Variants in MND1 observed in about 807,000 individuals in gnomAD.
The protein encoded by MND1 is meiotic nuclear divisions 1, also known as meiotic nuclear division protein 1 homolog.
MND1 carries 28 observed loss-of-function variants against 35.1 expected under a neutral mutation model. The observed-to-expected ratio is 0.80, with a 90% CI of 0.59 to 1.09. MND1 has a LOEUF of 1.09. MND1 is among the 50% of genes least tolerant of loss of function. MND1 has a pLI of 0.00. For missense variants in MND1, 213 were observed against 239.6 expected (o/e 0.89, Z 0.73); for synonymous variants, 69 against 70.5 (o/e 0.98, Z 0.11).
At position 153,395,467 on chromosome 4, in the gene MND1, G is replaced by GT. The variant is rs144936311; in HGVS notation, c.351+1133dup. 1.1e-4 allele frequency among the ~76,000 whole-genome samples: 17 copies of GT among 152,306 alleles called. No homozygotes were observed. The East Asian group carries it at 2.3e-3, about 21-fold the overall frequency. ...CAGAAGAGTTTAGTGGTTCAGAAAC[G>GT]TTCCTAAGAAAGATGAAGTCTTGTG... On this transcript the variant is annotated intron_variant, in intron 5 of 7. Coordinates refer to ENST00000240488, the MANE Select transcript of MND1 (RefSeq NM_032117.4).
chr4:153,393,681 C>T (rs1729111336), intron 4 of MND1, among the ~76,000 whole-genome samples: 1 of 151,732 alleles, frequency 6.6e-6, no homozygotes, highest in Non-Finnish European at 1.5e-5. Context: ...GCTTGGCCTT[C>T]AAGTTCAATT....
chr4:153,379,341 C>T (rs1266055539), intron 4 of MND1, among the ~76,000 whole-genome samples: 1 of 145,732 alleles, frequency 6.9e-6, no homozygotes, highest in African/African-American at 2.5e-5. Context: ...AAAAAAGAAA[C>T]CACAAAAGCT....
intron 2 of MND1, among the ~76,000 whole-genome samples, chr4:153,353,487 G>A (rs1196259113): frequency 7.5e-6 from 1 of 132,628 alleles, no homozygotes; most frequent in Non-Finnish European, 1.6e-5. Flanking sequence ...TCTTTTTTAT[G>A]TACTTCAAAG....
intron 2 of MND1, among the ~76,000 whole-genome samples, chr4:153,351,764 T>C (rs953132811): frequency 6.6e-6 from 1 of 152,222 alleles, no homozygotes. Flanking sequence ...GAATTTGATT[T>C]TCTATAGATG....
At chr4:153,372,013 G>C (rs941645106) in intron 4 of MND1, among the ~76,000 whole-genome samples, 1 of 152,062 alleles carries the variant, frequency 6.6e-6, no homozygotes, top group African/African-American at 2.4e-5. Context: ...AAGGGAGGGT[G>C]AGAGATGGGG....
intron 2 of MND1, among the ~76,000 whole-genome samples, chr4:153,354,077 G>T (rs942712671): frequency 4.0e-5 from 6 of 151,722 alleles, no homozygotes; most frequent in African/African-American, 1.5e-4. Flanking sequence ...TTTAACTTTT[G>T]TTATGCAAGT....
At chr4:153,357,359 C>G (rs1773372402) in intron 3 of MND1, among the ~76,000 whole-genome samples, 1 of 152,126 alleles carries the variant, frequency 6.6e-6, no homozygotes, top group Non-Finnish European at 1.5e-5. Context: ...GACCCTGGAA[C>G]AACACCTATG....
At chr4:153,404,437 C>T (rs763349474) in intron 6 of MND1, among the ~76,000 whole-genome samples, 7 of 150,618 alleles carry the variant, frequency 4.6e-5, no homozygotes, top group Non-Finnish European at 7.4e-5. Flanking sequence ...GTGATCTGCC[C>T]GCCTCAGCCT....
chr4:153,347,212 T>C, intron 1 of MND1, among the ~76,000 whole-genome samples: 1 of 152,150 alleles, frequency 6.6e-6, no homozygotes, highest in East Asian at 1.9e-4. Flanking sequence ...CATGCTTGAT[T>C]TGTCAGATAC....
At chr4:153,407,133 A>G (rs1049650835) in intron 6 of MND1, among the ~76,000 whole-genome samples, 6 of 152,208 alleles carry the variant, frequency 3.9e-5, no homozygotes, top group East Asian at 1.9e-4. Flanking sequence ...CAGCCAAACC[A>G]TATCAACACC....
intron 2 of MND1, among the ~76,000 whole-genome samples, chr4:153,355,304 G>A (rs560915410): frequency 1.3e-5 from 2 of 152,088 alleles, no homozygotes; most frequent in Non-Finnish European, 2.9e-5. Flanking sequence ...TCATTTCCAG[G>A]CCAATTTTTT....
intron 4 of MND1, among the ~76,000 whole-genome samples, chr4:153,371,030 T>C (rs1308039212): frequency 6.6e-6 from 1 of 152,070 alleles, no homozygotes; most frequent in Non-Finnish European, 1.5e-5. Flanking sequence ...TTAATCTCCT[T>C]GTATATCTTC....
intron 2 of MND1, among the ~76,000 whole-genome samples, chr4:153,354,121 G>C (rs376440117): frequency 6.6e-6 from 1 of 151,618 alleles, no homozygotes; most frequent in Non-Finnish European, 1.5e-5. Context: ...CTTATTAGCA[G>C]TAGAAAATAA....
At position 153,410,284 on chromosome 4, in the gene MND1, C is replaced by CT. The variant is rs111262750; in HGVS notation, c.511+1280dup. On this transcript the variant is annotated intron_variant, in intron 7 of 7. Transcript: ENST00000240488. The stretch of plus-strand genomic sequence containing the variant: ...ATAATTGGAAAAACATTTGGAATGG[C>CT]TTTTTTTTTTTCCTATCCTATTAGC... Among the ~76,000 whole-genome samples the CT allele has an allele frequency of 4.6e-3, 677 of 147,038 alleles. 5 individuals carry two copies. The highest frequency in any genetic ancestry group is 0.015 in the African/African-American group (613 of 40,444).
chr4:153,358,293 A>T (rs1490528453), intron 3 of MND1, among the ~76,000 whole-genome samples, 181 bp from the exon 4 acceptor site: 1 of 152,228 alleles, frequency 6.6e-6, no homozygotes, highest in Non-Finnish European at 1.5e-5. Context: ...GGATGGGGAT[A>T]CATTCTAAGA....
At chr4:153,372,405 G>T (rs1773813935) in intron 4 of MND1, among the ~76,000 whole-genome samples, 1 of 151,156 alleles carries the variant, frequency 6.6e-6, no homozygotes, top group South Asian at 2.1e-4. Context: ...CTTTTTATGT[G>T]TGTATATCTT....
intron 4 of MND1, chr4:153,381,692 ATTTTTTTT>A (rs765943574): frequency 1.5e-3 from 26 of 17,446 alleles, no homozygotes; most frequent in East Asian, 4.8e-3. Context: ...ATATATATAT[ATTTTTTTT>A]TTTTTTTTTT....
At chr4:153,392,022 A>G (rs1024692433) in intron 4 of MND1, among the ~76,000 whole-genome samples, 31 of 152,118 alleles carry the variant, frequency 2.0e-4, no homozygotes, top group Admixed American at 2.0e-3. Flanking sequence ...AAGCAAAAAA[A>G]GGGTATCTAT....
At chr4:153,373,190 A>G (rs1773833583) in intron 4 of MND1, among the ~76,000 whole-genome samples, 1 of 152,092 alleles carries the variant, frequency 6.6e-6, no homozygotes, top group Non-Finnish European at 1.5e-5. Context: ...ATTTAGTGTG[A>G]TTACCTATGT....
Sources: gnomAD v4.1 joint callset for allele counts (sites outside exome capture counted in the v4.1 genomes callset) on GRCh38, gnomAD v4.1.1 for gene constraint, MANE v1.5 for transcripts, NCBI Gene and HGNC (gene_info 2026-07-23, HGNC 2026-07-21) for gene names.